The following PSME4 variants were observed in gnomAD, a reference collection of about 807,000 sequenced individuals.
PSME4 encodes the protein proteasome activator subunit 4.
In PSME4, 89 loss-of-function variants were observed where a neutral mutation model predicts 253.9. The observed-to-expected ratio is 0.35, with a 90% CI of 0.30 to 0.42. The LOEUF is 0.42. Among genes scored for constraint, PSME4 ranks in the 10% least tolerant of loss-of-function variants. The probability of loss-of-function intolerance (pLI) is 1.00; values close to 1 mark genes in which losing one functional copy is unlikely to be tolerated. For synonymous variants in PSME4, 851 were observed against 759.2 expected, an observed-to-expected ratio of 1.12 and a Z score of -1.99; for missense variants, 2,014 against 2,195.2, an observed-to-expected ratio of 0.92 and a Z score of 1.65.
intron 1 of PSME4, among the ~76,000 whole-genome samples, chr2:53,959,653 A>G (rs1402208698): frequency 6.6e-6 from 1 of 152,216 alleles, no homozygotes; most frequent in Non-Finnish European, 1.5e-5. Flanking sequence ...AATTACTGTG[A>G]TTTTATTCCA....
At chr2:53,896,736 T>C (rs541836870) in intron 32 of PSME4, 68 bp downstream of exon 32, 2 of 1,215,624 alleles carry the variant, frequency 1.6e-6, no homozygotes, top group Non-Finnish European at 2.4e-6. Context: ...AACTAGAATT[T>C]ATACATGTCA....
chr2:53,926,984 AAAGAAAG>A (rs1668586092), intron 12 of PSME4, among the ~76,000 whole-genome samples: 1 of 78,318 alleles, frequency 1.3e-5, no homozygotes, highest in Non-Finnish European at 3.0e-5. Context: ...AAAAAAAAAG[AAAGAAAG>A]AAAGAAAGAA....
intron 41 of PSME4, among the ~76,000 whole-genome samples, chr2:53,879,642 T>C (rs1011957198): frequency 5.9e-5 from 9 of 152,100 alleles, no homozygotes; most frequent in African/African-American, 2.2e-4. Flanking sequence ...CAGTACGAGC[T>C]ATTTCTCTTA....
Position 53,892,989 on chromosome 2 carries a change from C to T in PSME4, c.4039-29G>A, listed in dbSNP as rs368963475. On this transcript the variant is annotated intron_variant, in intron 35 of 46. Coordinates refer to ENST00000404125, the MANE Select transcript of PSME4 (RefSeq NM_014614.3). ...TAAAAACAAAGACTGTTCTTCAGTA[C>T]TCAAATGACTATCATCTCGATTATA... The T allele has an allele frequency of 3.4e-5, 54 of 1,578,564 alleles. No individual in the cohort carries two copies. The African/African-American group carries it at 5.1e-4, about 15-fold the overall frequency.
At chr2:53,889,131 C>T (rs925190511) in intron 37 of PSME4, among the ~76,000 whole-genome samples, 2 of 152,132 alleles carry the variant, frequency 1.3e-5, no homozygotes, top group African/African-American at 2.4e-5. Context: ...TCCCAAAGTT[C>T]TGCGATTAAA....
chr2:53,923,242 G>A, intron 15 of PSME4, 79 bp downstream of exon 15: 1 of 1,489,056 alleles, frequency 6.7e-7, no homozygotes, highest in Non-Finnish European at 9.1e-7. Context: ...TTTAAGCATA[G>A]AAGCACCTCT....
chr2:53,894,740 G>A (rs1680065507), intron 34 of PSME4, among the ~76,000 whole-genome samples: 1 of 152,074 alleles, frequency 6.6e-6, no homozygotes. Flanking sequence ...CAAGAAATGA[G>A]CAGCAAATTA....
At chr2:53,916,228 C>T (rs1440619003) in intron 20 of PSME4, among the ~76,000 whole-genome samples, 2 of 104,866 alleles carry the variant, frequency 1.9e-5, no homozygotes, top group South Asian at 3.2e-4. Flanking sequence ...GGCAATAGGG[C>T]GAGACTCTGT....
chr2:53,940,854 T>TATATATATAATATATATTTAA (rs1558413147), intron 3 of PSME4, among the ~76,000 whole-genome samples: 3 of 94,328 alleles, frequency 3.2e-5, no homozygotes, highest in African/African-American at 9.8e-5. Flanking sequence ...AAAAAATTTA[T>TATATATATAATATATATTTAA]ATATATATAA....
intron 1 of PSME4, among the ~76,000 whole-genome samples, chr2:53,959,295 G>A (rs143946970): frequency 2.0e-5 from 3 of 152,232 alleles, no homozygotes; most frequent in African/African-American, 7.2e-5. Flanking sequence ...AACCCAGGAG[G>A]CAGAGGTTGC....
rs1323358587 is a variant in PSME4, at chr2:53,893,720, C to G, written c.3992G>C (p.Arg1331Thr). ...TGGATTAAACTTATCTTTTCCTTTT[C>G]TGTCTTCTAATGATAGAAAAGTAAT... ...QLITFLSLED[R>T]KGKDKFNPRR... is the part of the protein sequence containing the mutation. The change falls in exon 35 of 47, where the codon AGA becomes ACA. Residue 1331 changes from arginine (R) to threonine (T), a missense_variant. By Grantham distance (71) the Arg-to-Thr change is moderately conservative (BLOSUM62 -1). This residue lies in a region of PSME4 where 989 missense variants were observed against 1,021.1 expected (regional missense o/e 0.97). Transcript: ENST00000404125. The G allele has an allele frequency of 6.2e-7, 1 of 1,610,816 alleles. No homozygotes were observed. Among genetic ancestry groups the G allele is most frequent in the East Asian group, 2.2e-5 (1 of 44,640 alleles).
intron 41 of PSME4, among the ~76,000 whole-genome samples, chr2:53,880,440 T>G (rs539365774): frequency 2.0e-5 from 3 of 151,956 alleles, no homozygotes; most frequent in Non-Finnish European, 2.9e-5. Flanking sequence ...TAAAAAAAAA[T>G]GCAGATACAT....
At chr2:53,909,539 A>G (rs529590478) in intron 21 of PSME4, among the ~76,000 whole-genome samples, 1 of 152,314 alleles carries the variant, frequency 6.6e-6, no homozygotes, top group South Asian at 2.1e-4. Context: ...GACTGACCCA[A>G]TTTCTTACTG....
intron 1 of PSME4, among the ~76,000 whole-genome samples, chr2:53,963,248 G>T (rs1005529272): frequency 8.6e-5 from 13 of 151,906 alleles, no homozygotes; most frequent in Non-Finnish European, 1.3e-4. Context: ...ATCGCTCGAG[G>T]CCAGGAGCTC....
At chr2:53,923,816 G>A (rs1573300300) in intron 14 of PSME4, among the ~76,000 whole-genome samples, 1 of 151,460 alleles carries the variant, frequency 6.6e-6, no homozygotes, top group African/African-American at 2.4e-5. Flanking sequence ...CCAGCTGCTC[G>A]GGAGGCTGAG....
intron 41 of PSME4, among the ~76,000 whole-genome samples, chr2:53,884,779 T>C (rs1278451068): frequency 5.3e-5 from 8 of 152,208 alleles, no homozygotes; most frequent in Admixed American, 2.6e-4. Context: ...ACCTATATAC[T>C]AGCAGCTACT....
intron 38 of PSME4, chr2:53,888,199 C>T: frequency 2.5e-6 from 1 of 399,472 alleles, no homozygotes; most frequent in Non-Finnish European, 4.3e-6. Flanking sequence ...ATCCACACTA[C>T]TAGAAAACTG....
intron 43 of PSME4, chr2:53,870,373 G>GTTTTT (rs371507997): frequency 1.7e-5 from 2 of 115,904 alleles, no homozygotes; most frequent in Admixed American, 8.9e-5. Flanking sequence ...TTTTCTTTTC[G>GTTTTT]TTTTTTTTTT....
intron 36 of PSME4, among the ~76,000 whole-genome samples, chr2:53,892,061 T>G (rs1216140378): frequency 6.6e-6 from 1 of 152,218 alleles, no homozygotes; most frequent in Non-Finnish European, 1.5e-5. Flanking sequence ...ATAGGAATTA[T>G]GTTTTGCAAA....
Sources: allele counts gnomAD v4.1 joint callset (sites outside exome capture counted in the v4.1 genomes callset), GRCh38; gene constraint gnomAD v4.1.1; regional missense constraint gnomAD v4.1.1; transcripts MANE v1.5; gene names NCBI Gene and HGNC (gene_info 2026-07-23, HGNC 2026-07-21).